GABRB1: variants seen among roughly 807,000 people sequenced by gnomAD.
GABRB1 encodes the protein gamma-aminobutyric acid receptor subunit beta-1.
A neutral mutation model predicts 51.6 loss-of-function variants in GABRB1; 17 were observed. That is an observed-to-expected ratio of 0.33 (90% CI 0.23 to 0.49). The LOEUF (loss-of-function observed/expected upper bound fraction) is 0.49, where lower values mean the gene tolerates loss of function less well. Ranked by LOEUF, GABRB1 falls within the 20% of genes least tolerant of loss-of-function variation. The probability of loss-of-function intolerance (pLI) is 0.99; values close to 1 mark genes in which losing one functional copy is unlikely to be tolerated. For missense variants in GABRB1, 410 were observed against 600.6 expected, an observed-to-expected ratio of 0.68 and a Z score of 3.32; for synonymous variants, 247 against 218.9, an observed-to-expected ratio of 1.13 and a Z score of -1.14.
intron 4 of GABRB1, among the ~76,000 whole-genome samples, chr4:47,265,613 G>A (rs1274371054): frequency 1.3e-5 from 2 of 151,992 alleles, no homozygotes; most frequent in African/African-American, 4.8e-5. Context: ...TATGATTTTT[G>A]ACTTTTTAAT....
intron 4 of GABRB1, among the ~76,000 whole-genome samples, chr4:47,268,107 A>C (rs1259239495): frequency 6.6e-6 from 1 of 152,192 alleles, no homozygotes; most frequent in Non-Finnish European, 1.5e-5. Flanking sequence ...TCCTGAGATA[A>C]AATGACTCAA....
intron 3 of GABRB1, among the ~76,000 whole-genome samples, chr4:47,086,291 C>T (rs779951392): frequency 1.6e-4 from 25 of 152,130 alleles, no homozygotes; most frequent in Non-Finnish European, 3.2e-4. Context: ...AATTAGTTAA[C>T]GGTTCTCTTG....
chr4:47,413,009 G>A (rs1213139677), intron 8 of GABRB1, among the ~76,000 whole-genome samples: 3 of 152,210 alleles, frequency 2.0e-5, no homozygotes, highest in Non-Finnish European at 4.4e-5. Flanking sequence ...GGTGAAAAAG[G>A]AAAGGGAAGA....
chr4:47,353,446 C>A (rs1010911285), intron 5 of GABRB1, among the ~76,000 whole-genome samples: 2 of 152,164 alleles, frequency 1.3e-5, no homozygotes, highest in African/African-American at 4.8e-5. Flanking sequence ...AAGGATCAAT[C>A]TTTAATAAAT....
chr4:47,086,541 A>G lies in GABRB1; in HGVS notation c.240+54057A>G, dbSNP rs1333029121. On this transcript the variant is annotated intron_variant, in intron 3 of 8. Coordinates refer to ENST00000295454, the MANE Select transcript of GABRB1 (RefSeq NM_000812.4). ...ACAAATGGAAATTATGAGTACTTCA[A>G]TTAATCTGAACTTAGAACTTTATTA... is the stretch of plus-strand genomic sequence containing the variant. Among the ~76,000 whole-genome samples the G allele has an allele frequency of 3.3e-5, 5 of 152,352 alleles. No homozygotes were observed. In the East Asian group the frequency reaches 9.6e-4, roughly 29 times the overall value.
intron 1 of GABRB1, among the ~76,000 whole-genome samples, chr4:47,003,106 T>A (rs994729965): frequency 8.5e-5 from 13 of 152,234 alleles, no homozygotes; most frequent in Admixed American, 1.3e-4. Flanking sequence ...CTTTTAGTGA[T>A]AAATTCTATG....
upstream of GABRB1, among the ~76,000 whole-genome samples, chr4:47,029,167 T>C (rs1368818967): frequency 3.9e-5 from 6 of 151,912 alleles, no homozygotes; most frequent in African/African-American, 1.4e-4. Context: ...TTAGACTGCA[T>C]GAGTTTATCA....
chr4:47,017,563 G>A (rs1434067900), intron 1 of GABRB1, among the ~76,000 whole-genome samples: 1 of 152,060 alleles, frequency 6.6e-6, no homozygotes, highest in Non-Finnish European at 1.5e-5. Flanking sequence ...ACAAATAAAA[G>A]CCTATAAAAC....
At chr4:47,100,571 G>T (rs979315195) in intron 3 of GABRB1, among the ~76,000 whole-genome samples, 1 of 151,866 alleles carries the variant, frequency 6.6e-6, no homozygotes, top group Non-Finnish European at 1.5e-5. Context: ...TCCTCATCTA[G>T]AATCAGTCCG....
Position 47,294,609 on chromosome 4 carries a change from G to A in GABRB1, c.462-25518G>A, listed in dbSNP as rs559604383. Among the ~76,000 whole-genome samples the A allele has an allele frequency of 2.3e-3, 346 of 152,346 alleles. 1 individual carries two copies. Among genetic ancestry groups the A allele is most frequent in the African/African-American group, 7.7e-3 (321 of 41,590 alleles). Reference sequence around the variant, plus strand: ...GGTAAACAAAGCAGCCGGGAAGCTCGAATTGGGTGGAGCCCACCACAGCTC... The same window carrying A: ...GGTAAACAAAGCAGCCGGGAAGCTCAAATTGGGTGGAGCCCACCACAGCTC... On this transcript the variant is annotated intron_variant, in intron 4 of 8. Transcript: ENST00000295454.
At chr4:47,189,055 C>T (rs1028570895) in intron 4 of GABRB1, among the ~76,000 whole-genome samples, 1 of 151,942 alleles carries the variant, frequency 6.6e-6, no homozygotes, top group African/African-American at 2.4e-5. Flanking sequence ...GAGTCCTGAG[C>T]GTGGAAAGGG....
chr4:47,053,702 A>C (rs1188852485), intron 3 of GABRB1, among the ~76,000 whole-genome samples: 1 of 152,168 alleles, frequency 6.6e-6, no homozygotes, highest in Non-Finnish European at 1.5e-5. Flanking sequence ...GTCCTTTTCA[A>C]CTATGGCATA....
chr4:47,027,382 G>C (rs555028561), upstream of GABRB1, among the ~76,000 whole-genome samples: 1 of 151,450 alleles, frequency 6.6e-6, no homozygotes, highest in African/African-American at 2.4e-5. Flanking sequence ...AAAATAAAAA[G>C]AGGTAAAAAT....
At chr4:47,135,654 A>T (rs1191345948) in intron 3 of GABRB1, among the ~76,000 whole-genome samples, 1 of 152,070 alleles carries the variant, frequency 6.6e-6, no homozygotes, top group Non-Finnish European at 1.5e-5. Flanking sequence ...TTTCTGCATC[A>T]GTCAACCAGA....
intron 8 of GABRB1, among the ~76,000 whole-genome samples, 194 bp from the exon 9 acceptor site, chr4:47,425,480 T>C (rs1578163200): frequency 7.0e-6 from 1 of 142,318 alleles, no homozygotes; most frequent in African/African-American, 2.7e-5. Flanking sequence ...TGGATGATGA[T>C]GATAGATAGA....
chr4:47,175,820 C>G (rs763256600), intron 4 of GABRB1, among the ~76,000 whole-genome samples: 2 of 152,136 alleles, frequency 1.3e-5, no homozygotes, highest in Non-Finnish European at 2.9e-5. Context: ...TCTGTCAGTA[C>G]TGCTGCACTT....
At chr4:47,372,169 C>T (rs904041195) in intron 5 of GABRB1, among the ~76,000 whole-genome samples, 9 of 152,166 alleles carry the variant, frequency 5.9e-5, no homozygotes, top group Non-Finnish European at 1.2e-4. Context: ...AGCCAGTTCT[C>T]CCAGCACCAT....
chr4:47,113,219 C>T (rs28385901), intron 3 of GABRB1, among the ~76,000 whole-genome samples: 2,274 of 152,034 alleles, frequency 0.015, 51 homozygotes, highest in African/African-American at 0.052. Flanking sequence ...AACCCCGTCT[C>T]TACTAAAATA....
intron 5 of GABRB1, among the ~76,000 whole-genome samples, chr4:47,324,576 A>G (rs964113220): frequency 1.3e-5 from 2 of 152,088 alleles, no homozygotes; most frequent in African/African-American, 4.8e-5. Context: ...ACCCACTGCA[A>G]TCTGGCACCT....
Sources: allele counts gnomAD v4.1 joint callset (sites outside exome capture counted in the v4.1 genomes callset), GRCh38; gene constraint gnomAD v4.1.1; transcripts MANE v1.5; gene names NCBI Gene and HGNC (gene_info 2026-07-23, HGNC 2026-07-21).